Variants in PKIB observed in about 807,000 individuals in gnomAD.
PKIB encodes cAMP-dependent protein kinase inhibitor beta.
A neutral mutation model predicts 4.5 loss-of-function variants in PKIB; 2 were observed. That is an observed-to-expected ratio of 0.44 (90% CI 0.18 to 1.39). The LOEUF is 1.39. Among genes scored for constraint, PKIB ranks in the 40% most tolerant of loss-of-function variants. The probability of loss-of-function intolerance (pLI) is 0.27; values close to 1 mark genes in which losing one functional copy is unlikely to be tolerated. For synonymous variants in PKIB, 38 were observed against 36.0 expected, an observed-to-expected ratio of 1.06 and a Z score of -0.20; for missense variants, 94 against 92.6, an observed-to-expected ratio of 1.02 and a Z score of -0.06.
chr6:122,667,287 C>T (rs570343944), intron 2 of PKIB, among the ~76,000 whole-genome samples: 4 of 152,152 alleles, frequency 2.6e-5, no homozygotes, highest in Non-Finnish European at 2.9e-5. Context: ...GGCCAGGCGC[C>T]GTGGCTCACG....
chr6:122,540,934 A>C (rs1329278939), intron 2 of PKIB, among the ~76,000 whole-genome samples: 7 of 151,216 alleles, frequency 4.6e-5, no homozygotes, highest in African/African-American at 1.7e-4. Context: ...ACCATTATGT[A>C]ATGGCCTTCT....
At chr6:122,694,867 A>G (rs1237523699) in intron 3 of PKIB, among the ~76,000 whole-genome samples, 3 of 152,176 alleles carry the variant, frequency 2.0e-5, no homozygotes, top group African/African-American at 7.2e-5. Flanking sequence ...TCAAGGGGAA[A>G]GTCCTGGATT....
At chr6:122,550,632 G>A (rs1273115360) in intron 2 of PKIB, among the ~76,000 whole-genome samples, 1 of 151,964 alleles carries the variant, frequency 6.6e-6, no homozygotes, top group East Asian at 1.9e-4. Context: ...TCATACATCT[G>A]GAGCTCTCCA....
chr6:122,521,745 T>A (rs1397273528), intron 2 of PKIB, among the ~76,000 whole-genome samples: 4 of 152,148 alleles, frequency 2.6e-5, no homozygotes, highest in Admixed American at 2.6e-4. Context: ...TGATTTTCCA[T>A]CAGCTCCTGA....
At chr6:122,717,644 C>A in intron 3 of PKIB, 143 bp from the exon 4 acceptor site, 2 of 799,112 alleles carry the variant, frequency 2.5e-6, no homozygotes, top group South Asian at 1.7e-5. Context: ...AGGACCGTAA[C>A]AGTAGACATT....
chr6:122,530,645 T>C (rs922912411), intron 2 of PKIB, among the ~76,000 whole-genome samples: 1 of 152,176 alleles, frequency 6.6e-6, no homozygotes, highest in African/African-American at 2.4e-5. Context: ...TCTCTGGCTC[T>C]CTCTGGTGTT....
intron 3 of PKIB, among the ~76,000 whole-genome samples, chr6:122,714,071 T>G (rs1035904094): frequency 2.6e-5 from 4 of 152,196 alleles, no homozygotes; most frequent in Non-Finnish European, 5.9e-5. Context: ...TAAATCTCTT[T>G]GCTTTGGAGT....
intron 3 of PKIB, among the ~76,000 whole-genome samples, chr6:122,686,810 A>G (rs1036714101): frequency 9.9e-5 from 15 of 152,042 alleles, no homozygotes; most frequent in African/African-American, 3.6e-4. Context: ...TTTTTAATCT[A>G]ATTATTAATT....
At chr6:122,551,197 T>A (rs1258775536) in intron 2 of PKIB, among the ~76,000 whole-genome samples, 2 of 152,162 alleles carry the variant, frequency 1.3e-5, no homozygotes, top group Non-Finnish European at 2.9e-5. Flanking sequence ...TCTTTAATTA[T>A]TTTCTTGATG....
rs187588236 is a variant in PKIB, at chr6:122,615,207, T to A, written c.-161+4672T>A. Among the ~76,000 whole-genome samples the A allele has an allele frequency of 7.6e-3, 1,160 of 151,870 alleles. 7 individuals carry two copies. The highest frequency in any genetic ancestry group is 0.021 in the South Asian group (103 of 4,810). On this transcript the variant is annotated intron_variant, in intron 1 of 4. Transcript: ENST00000368452. ...TGCAGTAGTGAAAAGAAAAAAAAAATTTTTAAATATGTCTTTCTAACATGC... is the reference window on the plus strand; with the variant it reads ...TGCAGTAGTGAAAAGAAAAAAAAAAATTTTAAATATGTCTTTCTAACATGC...
chr6:122,572,559 C>A (rs1305347470), intron 2 of PKIB, among the ~76,000 whole-genome samples: 2 of 150,050 alleles, frequency 1.3e-5, no homozygotes, highest in African/African-American at 4.9e-5. Context: ...AATGTCACAC[C>A]TCAAGGAAAT....
intron 1 of PKIB, among the ~76,000 whole-genome samples, chr6:122,624,503 G>T (rs1484753072): frequency 6.6e-6 from 1 of 152,124 alleles, no homozygotes; most frequent in South Asian, 2.1e-4. Flanking sequence ...TAGAGGTAAT[G>T]AACACGTCTA....
At chr6:122,679,227 G>A (rs564938177) in intron 3 of PKIB, among the ~76,000 whole-genome samples, 3 of 152,348 alleles carry the variant, frequency 2.0e-5, no homozygotes, top group South Asian at 2.1e-4. Flanking sequence ...TGTGTTTGGA[G>A]GTGAAAGGGA....
chr6:122,672,657 A>G (rs939781432), intron 2 of PKIB, among the ~76,000 whole-genome samples: 5 of 152,094 alleles, frequency 3.3e-5, no homozygotes, highest in African/African-American at 1.2e-4. Context: ...TCATGAAAAA[A>G]TATTAGAACA....
chr6:122,627,070 T>TAA (rs60344840), intron 1 of PKIB, among the ~76,000 whole-genome samples: 44 of 108,306 alleles, frequency 4.1e-4, no homozygotes, highest in African/African-American at 1.3e-3. Context: ...CCGTCTCTAC[T>TAA]AAAAAAAAAA....
chr6:122,487,497 G>A (rs1321784578), intron 2 of PKIB, among the ~76,000 whole-genome samples: 2 of 152,078 alleles, frequency 1.3e-5, no homozygotes, highest in Non-Finnish European at 2.9e-5. Context: ...GGTTGTTAGG[G>A]GACAGCCTTC....
chr6:122,574,868 CA>C (rs1773481378), intron 2 of PKIB, among the ~76,000 whole-genome samples: 1 of 152,120 alleles, frequency 6.6e-6, no homozygotes, highest in South Asian at 2.1e-4. Flanking sequence ...ATCCCAAAAA[CA>C]AATGCAACCA....
At chr6:122,621,441 G>A (rs532496861) in intron 1 of PKIB, among the ~76,000 whole-genome samples, 1 of 152,320 alleles carries the variant, frequency 6.6e-6, no homozygotes, top group East Asian at 1.9e-4. Flanking sequence ...CTGCAAACAC[G>A]ATGTGATGAA....
At chr6:122,607,108 A>G, upstream of PKIB, among the ~76,000 whole-genome samples, 1 of 150,086 alleles carries the variant, frequency 6.7e-6, no homozygotes, top group East Asian at 1.9e-4. Flanking sequence ...AAATAAATAA[A>G]TAAAATAAAA....
Sources: gnomAD v4.1 joint callset for allele counts (sites outside exome capture counted in the v4.1 genomes callset) on GRCh38, gnomAD v4.1.1 for gene constraint, MANE v1.5 for transcripts, NCBI Gene and HGNC (gene_info 2026-07-23, HGNC 2026-07-21) for gene names.